Variants in TSPAN32 observed in about 807,000 individuals in gnomAD.
The protein encoded by TSPAN32 is tetraspanin-32.
Under a neutral mutation model 42.7 loss-of-function variants are expected in TSPAN32, and 47 were observed. That is an observed-to-expected ratio of 1.10 (90% CI 0.87 to 1.40). The LOEUF is 1.40. TSPAN32 is among the 40% of genes most tolerant of loss of function. TSPAN32 has a pLI of 0.00. For synonymous variants in TSPAN32, 175 were observed against 175.9 expected (o/e 0.99, Z 0.04); for missense variants, 469 against 424.1 (o/e 1.11, Z -0.93).
At position 2,317,359 on chromosome 11, in the gene TSPAN32, G is replaced by A. The variant is rs1309068559; in HGVS notation, c.735G>A (p.Gln245=). ...TGCTCCTCAGAGCATGTGGCCGCCA[G>A]CCCCAGGAGCCCAGCCTCTTGAGAT... The part of the protein sequence containing the change: ...YTLTPRACGR[Q]PQEPSLLRCS... Residue 245 remains glutamine, a synonymous_variant, in exon 9 of 10, where the codon CAG becomes CAA. Transcript: ENST00000182290. The surrounding 1 kb of genome is among the most constrained non-coding windows in gnomAD (Gnocchi z 6.2). 1 of 1,593,524 alleles carries A rather than the reference G, an allele frequency of 6.3e-7. No individual in the cohort carries two copies. Among genetic ancestry groups the A allele is most frequent in the Admixed American group, 1.7e-5 (1 of 57,326 alleles).
Position 2,302,037 on chromosome 11 carries a change from A to C in TSPAN32, c.-113A>C. ...TAGGGCGATGTTGACAGACAGACAG[A>C]GGGGCGGATGCAGCCTACCTCCTGG... On this transcript the variant is annotated 5_prime_UTR_variant, in exon 1 of 10. Coordinates refer to ENST00000182290, the MANE Select transcript of TSPAN32 (RefSeq NM_139022.3). 1 of 1,492,082 alleles carries C rather than the reference A, an allele frequency of 6.7e-7. No individual in the cohort carries two copies. The highest frequency in any genetic ancestry group is 8.9e-7 in the Non-Finnish European group (1 of 1,125,042). The allele number at this position is 1,492,082 out of a possible 1,614,324, so 92.4% of individuals were successfully genotyped here.
At chr11:2,302,284 C>T (rs1040465685) in intron 1 of TSPAN32, 69 bp downstream of exon 1, 2 of 1,329,054 alleles carry the variant, frequency 1.5e-6, no homozygotes, top group African/African-American at 1.5e-5. Context: ...GGCAGGGCCT[C>T]AGCACAGGGA....
chr11:2,311,338 C>T lies in TSPAN32; in HGVS notation c.355-2316C>T, dbSNP rs1039907680. ...GCTCATGCGGGCAGGAGGCGTGGAC[C>T]GGGCTTCAGGGATGAATGTGGAGCT... On this transcript the variant is annotated intron_variant, in intron 4 of 9. Coordinates refer to ENST00000182290, the MANE Select transcript of TSPAN32 (RefSeq NM_139022.3). Among the ~76,000 whole-genome samples the T allele has an allele frequency of 2.6e-5, 4 of 152,280 alleles. No homozygotes were observed. The East Asian group carries it at 5.8e-4, about 22-fold the overall frequency.
In TSPAN32 at chr11:2,316,547, T is replaced by TGGGGCAGC. The variant is rs1181861696; in HGVS notation, c.628-28_628-21dup. Reference sequence around the variant, plus strand: ...GAGGGGCGCCCGCACCCTGGGGCAGTGGGGCAGCCGCGGGTGTCTCCCTCC... The same window carrying TGGGGCAGC: ...GAGGGGCGCCCGCACCCTGGGGCAGTGGGGCAGCGGGGCAGCCGCGGGTGTCTCCCTCC... On this transcript the variant is annotated intron_variant, in intron 7 of 9. Coordinates refer to ENST00000182290, the MANE Select transcript of TSPAN32 (RefSeq NM_139022.3). 2.5e-6 allele frequency: 4 copies of TGGGGCAGC among 1,604,570 alleles called. No individual in the cohort carries two copies. The African/African-American group carries it at 5.4e-5, about 21-fold the overall frequency.
chr11:2,309,825 G>T (rs1200147200), intron 4 of TSPAN32, among the ~76,000 whole-genome samples: 1 of 152,112 alleles, frequency 6.6e-6, no homozygotes, highest in African/African-American at 2.4e-5. Flanking sequence ...GGGGACTCAG[G>T]CCCTCTGGGG....
intron 6 of TSPAN32, chr11:2,315,907 G>C (rs1045791316): frequency 3.9e-5 from 58 of 1,475,146 alleles, no homozygotes; most frequent in Non-Finnish European, 4.9e-5. Context: ...TGGGAACCCA[G>C]AGTGAATTCG....
Position 2,302,193 on chromosome 11 carries a change from T to G in TSPAN32, c.44T>G (p.Leu15Arg). The G allele has an allele frequency of 7.2e-7, 1 of 1,388,340 alleles. No homozygotes were observed. Among genetic ancestry groups the G allele is most frequent in the Non-Finnish European group, 9.4e-7 (1 of 1,065,580 alleles). 86.0% of individuals were successfully genotyped at this position (1,388,340 alleles called of 1,614,324 possible). Residue 15 changes from leucine to arginine, a missense_variant, in exon 1 of 10, where the codon CTG becomes CGG. By Grantham distance (102) the Leu-to-Arg change is moderately radical (BLOSUM62 -2). Coordinates refer to ENST00000182290, the MANE Select transcript of TSPAN32 (RefSeq NM_139022.3). ...GTCAGGGTTGCCAAATGCCAGATGCTGGTCACCTGCTTCTTTATCTTGGTA... is the reference window on the plus strand; with the variant it reads ...GTCAGGGTTGCCAAATGCCAGATGCGGGTCACCTGCTTCTTTATCTTGGTA... ...SRVRVAKCQM[L>R]VTCFFILLLG...
intron 6 of TSPAN32, chr11:2,315,311 A>AG (rs1848720083): frequency 1.6e-5 from 19 of 1,172,492 alleles, no homozygotes; most frequent in Non-Finnish European, 2.0e-5. Context: ...AGGCCTGGTG[A>AG]GGGGTGGAGC....
intron 3 of TSPAN32, among the ~76,000 whole-genome samples, chr11:2,306,046 C>CTGTGTGTG (rs56961357): frequency 0.052 from 7,596 of 147,284 alleles, 358 homozygotes; most frequent in African/African-American, 0.12. Context: ...GCAGGTGCCT[C>CTGTGTGTG]TGTGTGTGTG....
At position 2,308,711 on chromosome 11, in the gene TSPAN32, G is replaced by C. The variant is rs201940706; in HGVS notation, c.280-25G>C. On this transcript the variant is annotated intron_variant, in intron 3 of 9. Coordinates refer to ENST00000182290, the MANE Select transcript of TSPAN32 (RefSeq NM_139022.3). ...CCCCCGCAGTGACCAGCCCTCAACAGTGACCAGCCCCGCTCTGCCCCCAGG... is the reference window on the plus strand; with the variant it reads ...CCCCCGCAGTGACCAGCCCTCAACACTGACCAGCCCCGCTCTGCCCCCAGG... 5.5e-4 allele frequency: 823 copies of C among 1,490,482 alleles called. 3 individuals are homozygous for C. In the Middle Eastern group the frequency reaches 9.0e-3, roughly 16 times the overall value. 92.3% of individuals were successfully genotyped at this position (1,490,482 alleles called of 1,614,324 possible). A position where few individuals can be genotyped will look rare whatever the true frequency, so the allele number is the denominator to read the frequency against.
At position 2,316,666 on chromosome 11, in the gene TSPAN32, C is replaced by G; in HGVS notation, c.718C>G (p.Arg240Gly). 2 of 1,523,018 alleles carry G rather than the reference C, an allele frequency of 1.3e-6. No homozygotes were observed. Among genetic ancestry groups the G allele is most frequent in the Non-Finnish European group, 1.8e-6 (2 of 1,134,448 alleles). The allele number at this position is 1,523,018 out of a possible 1,614,324, so 94.3% of individuals were successfully genotyped here. ...CAAGGGCAAATACACCCTGACCCCA[C>G]GGTAGGGCCCCCTGCCTGCCCCCAC... ...DRKGKYTLTP[R>G]ACGRQPQEPS... The change falls in exon 8 of 10, where the codon CGA (arginine) becomes GGA (glycine). Residue 240 changes from arginine (R) to glycine (G), a missense_variant and splice_region_variant. Coordinates refer to ENST00000182290, the MANE Select transcript of TSPAN32 (RefSeq NM_139022.3).
Position 2,318,090 on chromosome 11 carries a change from T to C in TSPAN32, c.*166T>C, listed in dbSNP as rs1848905517. On this transcript the variant is annotated 3_prime_UTR_variant, in exon 10 of 10. Coordinates refer to ENST00000182290, the MANE Select transcript of TSPAN32 (RefSeq NM_139022.3). This position sits in a 1 kb window ranked among gnomAD's most constrained non-coding sequence, Gnocchi z 4.2. ...CCCTCCACCTTCAAACCAGCAATGGTGCATTGAGCAAATTGTGGTCAAATA... is the reference window on the plus strand; with the variant it reads ...CCCTCCACCTTCAAACCAGCAATGGCGCATTGAGCAAATTGTGGTCAAATA... 5.2e-6 allele frequency: 3 copies of C among 574,750 alleles called. No homozygotes were observed. The highest frequency in any genetic ancestry group is 9.2e-6 in the Non-Finnish European group (3 of 327,046). The allele number at this position is 574,750 out of a possible 1,614,324, so 35.6% of individuals were successfully genotyped here.
rs770167215 is a variant in TSPAN32, at chr11:2,302,194, G to A, written c.45G>A (p.Leu15=). The change falls in exon 1 of 10, where the codon CTG becomes CTA. Residue 15 remains leucine, a synonymous_variant. Coordinates refer to ENST00000182290, the MANE Select transcript of TSPAN32 (RefSeq NM_139022.3). ...SRVRVAKCQM[L]VTCFFILLLG... ...TCAGGGTTGCCAAATGCCAGATGCT[G>A]GTCACCTGCTTCTTTATCTTGGTAA... is the stretch of plus-strand genomic sequence containing the variant. The A allele has an allele frequency of 7.1e-7, 1 of 1,412,394 alleles. No individual in the cohort carries two copies. Among genetic ancestry groups the A allele is most frequent in the Non-Finnish European group, 9.3e-7 (1 of 1,078,648 alleles). The allele number at this position is 1,412,394 out of a possible 1,614,324, so 87.5% of individuals were successfully genotyped here.
At position 2,315,801 on chromosome 11, in the gene TSPAN32, C is replaced by T. The variant is rs1303169905; in HGVS notation, c.544-428C>T. 2.3e-6 allele frequency: 3 copies of T among 1,317,270 alleles called. No individual in the cohort carries two copies. The African/African-American group carries it at 4.5e-5, about 20-fold the overall frequency. The allele number at this position is 1,317,270 out of a possible 1,614,324, so 81.6% of individuals were successfully genotyped here. ...CAGGAAGCTGGGACTGTGCGGGGACCCCCCTCACACCCCTCCACCAGCTGG... is the reference window on the plus strand; with the variant it reads ...CAGGAAGCTGGGACTGTGCGGGGACTCCCCTCACACCCCTCCACCAGCTGG... On this transcript the variant is annotated intron_variant, in intron 6 of 9. Transcript: ENST00000182290.
At chr11:2,310,206 G>T (rs1179426800) in intron 4 of TSPAN32, among the ~76,000 whole-genome samples, 1 of 152,178 alleles carries the variant, frequency 6.6e-6, no homozygotes, top group African/African-American at 2.4e-5. Context: ...CTCGTCTGGG[G>T]CAGCTGCGGC....
intron 4 of TSPAN32, among the ~76,000 whole-genome samples, chr11:2,312,861 G>A (rs1848544373): frequency 6.6e-6 from 1 of 152,200 alleles, no homozygotes; most frequent in South Asian, 2.1e-4. Context: ...CAGAGGGCAG[G>A]GACCTCAAAG....
chr11:2,314,214 C>G (rs739547), intron 5 of TSPAN32, among the ~76,000 whole-genome samples: 97,271 of 151,578 alleles, frequency 0.64, 32,671 homozygotes, highest in Non-Finnish European at 0.76. Context: ...AGCGCACAGG[C>G]CCTGTGAACA....
chr11:2,302,055 C>G lies in TSPAN32; in HGVS notation c.-95C>G. 6 of 1,495,586 alleles carry G rather than the reference C, an allele frequency of 4.0e-6. No individual in the cohort carries two copies. Among genetic ancestry groups the G allele is most frequent in the Non-Finnish European group, 5.3e-6 (6 of 1,126,194 alleles). The allele number at this position is 1,495,586 out of a possible 1,614,324, so 92.6% of individuals were successfully genotyped here. A position where few individuals can be genotyped will look rare whatever the true frequency, so the allele number is the denominator to read the frequency against. On this transcript the variant is annotated 5_prime_UTR_variant, in exon 1 of 10. Coordinates refer to ENST00000182290, the MANE Select transcript of TSPAN32 (RefSeq NM_139022.3). ...CAGACAGAGGGGCGGATGCAGCCTA[C>G]CTCCTGGGCAGTGAGCTGCGGTCTG...
intron 2 of TSPAN32, 109 bp from the exon 3 acceptor site, chr11:2,303,987 AGAGCCCCCCAG>A: frequency 1.4e-6 from 1 of 712,632 alleles, no homozygotes; most frequent in South Asian, 1.7e-5. Context: ...AGGCCCATTC[AGAGCCCCCCAG>A]GAGTCCCTCA....
Sources: gnomAD v4.1 joint callset for allele counts (sites outside exome capture counted in the v4.1 genomes callset) on GRCh38, gnomAD v4.1.1 for gene constraint, Gnocchi (gnomAD v3.1) non-coding constraint, MANE v1.5 for transcripts, NCBI Gene and HGNC (gene_info 2026-07-23, HGNC 2026-07-21) for gene names.